CTNND2: variants seen among roughly 807,000 people sequenced by gnomAD.
CTNND2 encodes catenin delta-2.
Under a neutral mutation model 144.4 loss-of-function variants are expected in CTNND2, and 22 were observed. The observed-to-expected ratio is 0.15, with a 90% CI of 0.11 to 0.22. The LOEUF (loss-of-function observed/expected upper bound fraction) is 0.22. CTNND2 is among the 10% of genes least tolerant of loss of function. The pLI is 1.00. For synonymous variants in CTNND2, 751 were observed against 695.6 expected (o/e 1.08, Z -1.25); for missense variants, 1,353 against 1,618.8 (o/e 0.84, Z 2.82).
intron 16 of CTNND2, among the ~76,000 whole-genome samples, chr5:11,048,189 G>T (rs1745476077): frequency 6.6e-6 from 1 of 152,048 alleles, no homozygotes; most frequent in Non-Finnish European, 1.5e-5. Flanking sequence ...TACAAACACT[G>T]CCCTGAATGA....
intron 10 of CTNND2, among the ~76,000 whole-genome samples, chr5:11,223,818 G>A (rs1183251768): frequency 6.6e-6 from 1 of 152,178 alleles, no homozygotes; most frequent in African/African-American, 2.4e-5. Context: ...ATGGCTACAG[G>A]ATGCTAGAAT....
chr5:11,397,145 G>C lies in CTNND2; in HGVS notation c.498C>G (p.Phe166Leu). The C allele has an allele frequency of 6.2e-7, 1 of 1,614,224 alleles. No homozygotes were observed. Among genetic ancestry groups the C allele is most frequent in the Non-Finnish European group, 8.5e-7 (1 of 1,180,034 alleles). ...TGCTATGGTAGCTGGCCGGATACTG[G>C]AAAGACCCTTCAGGTTTGGAATTGA... Reference protein sequence around the residue: ...LQLNSKPEGSFQYPASYHSNQ... With the variant: ...LQLNSKPEGSLQYPASYHSNQ... Residue 166 changes from phenylalanine (F) to leucine (L), a missense_variant, in exon 6 of 22, where the codon TTC (phenylalanine) becomes TTG (leucine). Transcript: ENST00000304623.
chr5:11,230,654 T>C (rs1026562138), intron 10 of CTNND2, among the ~76,000 whole-genome samples: 2 of 152,170 alleles, frequency 1.3e-5, no homozygotes, highest in Non-Finnish European at 2.9e-5. Flanking sequence ...CTTACTGTGT[T>C]TGCAGCAATC....
In CTNND2 at chr5:11,449,359, G is replaced by A. The variant is rs374121892; in HGVS notation, c.288-37290C>T. Among the ~76,000 whole-genome samples the A allele has an allele frequency of 3.3e-4, 50 of 152,234 alleles. 3 individuals are homozygous for A. The highest frequency in any genetic ancestry group is 1.6e-3 in the Admixed American group (25 of 15,298). ...TGAATTCATGGTAGAATTCAACATC[G>A]TTAGGCTTTGACAATAAGCACATGT... On this transcript the variant is annotated intron_variant, in intron 3 of 21. Coordinates refer to ENST00000304623, the MANE Select transcript of CTNND2 (RefSeq NM_001332.4).
At chr5:11,868,954 C>T (rs1274109511) in intron 1 of CTNND2, among the ~76,000 whole-genome samples, 1 of 152,100 alleles carries the variant, frequency 6.6e-6, no homozygotes, top group Non-Finnish European at 1.5e-5. Context: ...CAACCGAACA[C>T]AGACAAGACA....
At chr5:11,166,865 G>A (rs1277592700) in intron 11 of CTNND2, among the ~76,000 whole-genome samples, 1 of 152,096 alleles carries the variant, frequency 6.6e-6, no homozygotes, top group Non-Finnish European at 1.5e-5. Flanking sequence ...CTTCTAGATG[G>A]AAAACATTCC....
chr5:11,457,014 T>G (rs2149925236), intron 3 of CTNND2, among the ~76,000 whole-genome samples: 1 of 152,360 alleles, frequency 6.6e-6, no homozygotes, highest in South Asian at 2.1e-4. Context: ...ATTAAAAACT[T>G]GTAATAGCCA....
At chr5:11,065,418 T>C (rs955773730) in intron 16 of CTNND2, among the ~76,000 whole-genome samples, 14 of 152,390 alleles carry the variant, frequency 9.2e-5, no homozygotes, top group Middle Eastern at 3.4e-3. Context: ...GGAGCCCTGA[T>C]ACTTTGTCAT....
intron 12 of CTNND2, among the ~76,000 whole-genome samples, 197 bp downstream of exon 12, chr5:11,159,379 G>A (rs2149767037): frequency 6.6e-6 from 1 of 152,270 alleles, no homozygotes; most frequent in Middle Eastern, 3.4e-3. Context: ...CATTAATTAG[G>A]TAGAGAAAGA....
chr5:11,703,991 C>T (rs745388336), intron 2 of CTNND2, among the ~76,000 whole-genome samples: 4 of 152,074 alleles, frequency 2.6e-5, no homozygotes, highest in Admixed American at 6.6e-5. Flanking sequence ...CTTAACAATA[C>T]GTGTACTGGA....
At chr5:11,560,480 A>T (rs1041263747) in intron 3 of CTNND2, among the ~76,000 whole-genome samples, 2 of 152,210 alleles carry the variant, frequency 1.3e-5, no homozygotes, top group Non-Finnish European at 2.9e-5. Flanking sequence ...GAATATGTAT[A>T]GGTACCTATT....
intron 11 of CTNND2, among the ~76,000 whole-genome samples, chr5:11,189,141 A>T (rs1471512581): frequency 1.3e-5 from 2 of 152,132 alleles, no homozygotes; most frequent in Non-Finnish European, 2.9e-5. Context: ...TCTACATATG[A>T]ATCAATGGAA....
chr5:11,492,609 T>C (rs1258646352), intron 3 of CTNND2, among the ~76,000 whole-genome samples: 2 of 151,520 alleles, frequency 1.3e-5, no homozygotes, highest in Non-Finnish European at 1.5e-5. Context: ...TAATACAAAG[T>C]AGTAAAATAA....
intron 9 of CTNND2, among the ~76,000 whole-genome samples, chr5:11,327,572 C>T (rs1466649667): frequency 6.6e-6 from 1 of 152,154 alleles, no homozygotes; most frequent in Non-Finnish European, 1.5e-5. Flanking sequence ...TAAACGAAAA[C>T]TCTAAGACTG....
intron 3 of CTNND2, among the ~76,000 whole-genome samples, chr5:11,479,726 TGA>T (rs1768070522): frequency 6.6e-6 from 1 of 152,178 alleles, no homozygotes; most frequent in Non-Finnish European, 1.5e-5. Context: ...ACTGGGGTTT[TGA>T]TTTGCATTTC....
intron 1 of CTNND2, among the ~76,000 whole-genome samples, chr5:11,754,458 G>T (rs977945226): frequency 2.3e-4 from 7 of 30,114 alleles, no homozygotes; most frequent in African/African-American, 2.7e-4. Context: ...GGAGAGTTCT[G>T]TAGATGTTTG....
chr5:11,441,881 C>T (rs1764298439), intron 3 of CTNND2, among the ~76,000 whole-genome samples: 1 of 152,120 alleles, frequency 6.6e-6, no homozygotes, highest in South Asian at 2.1e-4. Context: ...TAAACCCGTG[C>T]CTTAATTAAC....
chr5:11,301,219 A>G (rs940017809), intron 9 of CTNND2, among the ~76,000 whole-genome samples: 2 of 151,960 alleles, frequency 1.3e-5, no homozygotes, highest in African/African-American at 2.4e-5. Flanking sequence ...GGGTTTCACT[A>G]TGTTGGCCAG....
chr5:11,817,601 G>A (rs1366857913), intron 1 of CTNND2, among the ~76,000 whole-genome samples: 1 of 152,002 alleles, frequency 6.6e-6, no homozygotes, highest in Non-Finnish European at 1.5e-5. Flanking sequence ...TTGCGGGGCA[G>A]CTGTGGTGGA....
Sources: allele counts gnomAD v4.1 joint callset (sites outside exome capture counted in the v4.1 genomes callset), GRCh38; gene constraint gnomAD v4.1.1; transcripts MANE v1.5; gene names NCBI Gene and HGNC (gene_info 2026-07-23, HGNC 2026-07-21).